PCDHA10: variants seen among roughly 807,000 people sequenced by gnomAD.
PCDHA10 encodes protocadherin alpha-10.
In PCDHA10, 45 loss-of-function variants were observed where a neutral mutation model predicts 61.2. The observed-to-expected ratio is 0.74, with a 90% CI of 0.58 to 0.94. PCDHA10 has a LOEUF of 0.94. Among genes scored for constraint, PCDHA10 ranks in the 40% least tolerant of loss-of-function variants. PCDHA10 has a pLI of 0.00. For missense variants in PCDHA10, 1,278 were observed against 1,236.2 expected (o/e 1.03, Z -0.51); for synonymous variants, 602 against 548.8 (o/e 1.10, Z -1.35).
intron 3 of PCDHA10, among the ~76,000 whole-genome samples, chr5:140,991,357 T>G (rs1409351374): frequency 2.6e-5 from 4 of 152,258 alleles, no homozygotes; most frequent in African/African-American, 9.6e-5. Flanking sequence ...AAAGACTATT[T>G]ACTGTCTGAG....
chr5:140,946,631 T>TATATATATATATAC (rs57893927), intron 1 of PCDHA10, among the ~76,000 whole-genome samples: 2,707 of 131,678 alleles, frequency 0.021, 122 homozygotes, highest in African/African-American at 0.036. Flanking sequence ...TATATATATA[T>TATATATATATATAC]ACAATGGAAT....
In PCDHA10 at chr5:140,923,298, C is replaced by T. The variant is rs1039610789; in HGVS notation, c.2389-55651C>T. ...TACAAAAAATTAAAAATTAGCTGGG[C>T]GTGGGGGCGCTTGGCCTAGAAGTTC... On this transcript the variant is annotated intron_variant, in intron 1 of 3. Transcript: ENST00000307360. Among the ~76,000 whole-genome samples, 28 of 152,160 alleles carry T rather than the reference C, an allele frequency of 1.8e-4. 1 individual carries two copies. The highest frequency in any genetic ancestry group is 4.8e-4 in the African/African-American group (20 of 41,504).
intron 1 of PCDHA10, among the ~76,000 whole-genome samples, chr5:140,898,854 C>G (rs1467228131): frequency 2.0e-5 from 3 of 152,150 alleles, no homozygotes; most frequent in Admixed American, 6.6e-5. Flanking sequence ...TTTGTATCCT[C>G]TTTTATTTCA....
chr5:140,927,946 G>A (rs1341193072), intron 1 of PCDHA10: 1 of 1,614,096 alleles, frequency 6.2e-7, no homozygotes, highest in East Asian at 2.2e-5. Context: ...AGTACCTGAG[G>A]ACGCTGCCCC....
intron 3 of PCDHA10, among the ~76,000 whole-genome samples, chr5:141,000,587 C>A (rs181671847): frequency 0.01 from 1,575 of 150,790 alleles, 20 homozygotes; most frequent in Non-Finnish European, 0.016. Context: ...GCCACCATGC[C>A]CAGCTAATTT....
intron 1 of PCDHA10, chr5:140,870,974 G>A: frequency 1.2e-6 from 2 of 1,613,628 alleles, no homozygotes; most frequent in Middle Eastern, 1.7e-4. Flanking sequence ...TTCCGCGTGG[G>A]GCTGTACACG....
intron 1 of PCDHA10, chr5:140,927,135 G>T: frequency 6.2e-7 from 1 of 1,614,062 alleles, no homozygotes; most frequent in Non-Finnish European, 8.5e-7. Flanking sequence ...GAGAGCCGGC[G>T]GACCGCGAAC....
intron 1 of PCDHA10, among the ~76,000 whole-genome samples, chr5:140,935,464 G>A (rs2090388076): frequency 6.6e-6 from 1 of 152,146 alleles, no homozygotes; most frequent in Admixed American, 6.5e-5. Context: ...AGCAGTTTAA[G>A]TTTTTGTCAT....
intron 1 of PCDHA10, among the ~76,000 whole-genome samples, chr5:140,888,041 A>G (rs571709864): frequency 2.0e-5 from 3 of 152,296 alleles, no homozygotes; most frequent in South Asian, 4.1e-4. Context: ...TAGTACATGT[A>G]TAATAGATGT....
chr5:140,969,408 T>C (rs2096327357), intron 1 of PCDHA10: 6 of 1,573,824 alleles, frequency 3.8e-6, no homozygotes, highest in Non-Finnish European at 5.2e-6. Flanking sequence ...GATTTGGCTT[T>C]ATTGAGTCAT....
At chr5:140,944,383 C>T (rs1344204416) in intron 1 of PCDHA10, among the ~76,000 whole-genome samples, 1 of 152,084 alleles carries the variant, frequency 6.6e-6, no homozygotes, top group African/African-American at 2.4e-5. Context: ...GATGGAGTCT[C>T]ACTGTGTTAT....
chr5:140,887,236 A>G (rs575217506), intron 1 of PCDHA10, among the ~76,000 whole-genome samples: 53 of 151,920 alleles, frequency 3.5e-4, no homozygotes, highest in South Asian at 2.1e-3. Flanking sequence ...AGCTGAGACT[A>G]CCGGCGCCCG....
intron 1 of PCDHA10, among the ~76,000 whole-genome samples, chr5:140,970,958 C>T (rs1554232904): frequency 6.6e-6 from 1 of 152,106 alleles, no homozygotes; most frequent in Non-Finnish European, 1.5e-5. Context: ...CCATGGGAGG[C>T]AGATTGTAGA....
intron 1 of PCDHA10, among the ~76,000 whole-genome samples, chr5:140,972,225 G>A (rs959858462): frequency 3.3e-5 from 5 of 151,474 alleles, no homozygotes; most frequent in Admixed American, 2.0e-4. Context: ...CTGCAGCCTC[G>A]ACCTTCTGGG....
chr5:140,868,138 A>G (rs1436780455), intron 1 of PCDHA10: 7 of 152,142 alleles, frequency 4.6e-5, no homozygotes, highest in African/African-American at 1.4e-4. Context: ...CTGTCATATC[A>G]TTGATTCTGT....
chr5:140,863,553 A>C, intron 1 of PCDHA10: 2 of 378,210 alleles, frequency 5.3e-6, no homozygotes, highest in South Asian at 4.1e-5. Context: ...TTCAATAGGA[A>C]ATTTTTGAGA....
intron 1 of PCDHA10, among the ~76,000 whole-genome samples, chr5:140,954,817 T>G (rs1461497595): frequency 1.3e-5 from 2 of 152,224 alleles, no homozygotes; most frequent in Non-Finnish European, 2.9e-5. Flanking sequence ...TGAAATTGCT[T>G]TAGGCACTTT....
intron 1 of PCDHA10, chr5:140,877,258 G>T (rs1206242754): frequency 1.9e-6 from 3 of 1,613,662 alleles, no homozygotes; most frequent in Non-Finnish European, 2.5e-6. Context: ...GAAAGTGCGC[G>T]CGGTGGACGC....
At position 141,010,198 on chromosome 5, in the gene PCDHA10, C is replaced by T; in HGVS notation, c.*261C>T. ...AAAGCAGACCCAAGTTTCCTTTCTC[C>T]TCCGCCGCAAAGGAGAGGCTTCCCA... On this transcript the variant is annotated 3_prime_UTR_variant, in exon 4 of 4. Transcript: ENST00000307360. The T allele has an allele frequency of 6.4e-7, 1 of 1,552,138 alleles. No homozygotes were observed. The highest frequency in any genetic ancestry group is 1.4e-5 in the African/African-American group (1 of 73,154).
Sources: gnomAD v4.1 joint callset for allele counts (sites outside exome capture counted in the v4.1 genomes callset) on GRCh38, gnomAD v4.1.1 for gene constraint, MANE v1.5 for transcripts, NCBI Gene and HGNC (gene_info 2026-07-23, HGNC 2026-07-21) for gene names.